TUSC3: variants seen among roughly 807,000 people sequenced by gnomAD.
TUSC3 encodes the protein tumor suppressor candidate 3.
TUSC3 carries 45 observed loss-of-function variants against 44.8 expected under a neutral mutation model. The observed-to-expected ratio is 1.00, with a 90% CI of 0.79 to 1.29. The LOEUF is 1.29. TUSC3 is among the 50% of genes most tolerant of loss of function. The probability of loss-of-function intolerance (pLI) is 0.00; values close to 1 mark genes in which losing one functional copy is unlikely to be tolerated. For missense variants in TUSC3, 519 were observed against 437.9 expected, an observed-to-expected ratio of 1.19 and a Z score of -1.65; for synonymous variants, 212 against 152.9, an observed-to-expected ratio of 1.39 and a Z score of -2.85.
chr8:15,851,889 A>AT, the TUSC3 span, among the ~76,000 whole-genome samples: 2 of 152,168 alleles, frequency 1.3e-5, no homozygotes, highest in Middle Eastern at 6.8e-3. Flanking sequence ...ATTGGGGAGG[A>AT]TTCCCCCATA....
At chr8:15,763,396 T>C (rs1411313251) in intron 10 of TUSC3, among the ~76,000 whole-genome samples, 1 of 151,734 alleles carries the variant, frequency 6.6e-6, no homozygotes, top group Non-Finnish European at 1.5e-5. Flanking sequence ...TTTTTTGATG[T>C]TGTTGTTTTT....
chr8:15,585,635 A>G (rs1030342341), intron 1 of TUSC3, among the ~76,000 whole-genome samples: 6 of 152,094 alleles, frequency 3.9e-5, no homozygotes, highest in East Asian at 1.9e-4. Context: ...CCTAGAATCA[A>G]TCACTCCCTA....
chr8:15,627,096 C>T (rs1030314811), intron 2 of TUSC3, among the ~76,000 whole-genome samples: 1 of 152,186 alleles, frequency 6.6e-6, no homozygotes, highest in Non-Finnish European at 1.5e-5. Flanking sequence ...ACCTCAGACT[C>T]AGCCAGACTT....
At chr8:15,578,842 G>A (rs930231265) in intron 1 of TUSC3, among the ~76,000 whole-genome samples, 2 of 152,066 alleles carry the variant, frequency 1.3e-5, no homozygotes, top group African/African-American at 2.4e-5. Context: ...AAATGAGTTA[G>A]GGAGGATTCC....
intron 6 of TUSC3, among the ~76,000 whole-genome samples, chr8:15,699,807 A>G (rs959597731): frequency 6.6e-6 from 1 of 152,138 alleles, no homozygotes; most frequent in African/African-American, 2.4e-5. Flanking sequence ...AAGCACTTAG[A>G]GGTTAAATAG....
chr8:15,463,635 C>A (rs1800377000), intron 1 of TUSC3, among the ~76,000 whole-genome samples: 1 of 151,994 alleles, frequency 6.6e-6, no homozygotes, highest in African/African-American at 2.4e-5. Flanking sequence ...ATCATGAAGC[C>A]TTTTGATTAT....
intron 6 of TUSC3, among the ~76,000 whole-genome samples, chr8:15,694,617 T>C (rs151203663): frequency 6.6e-6 from 1 of 152,086 alleles, no homozygotes; most frequent in Non-Finnish European, 1.5e-5. Context: ...TGTTCTTTTA[T>C]CCGCTTTGAT....
At chr8:15,791,535 C>T in the TUSC3 span, among the ~76,000 whole-genome samples, 1 of 152,114 alleles carries the variant, frequency 6.6e-6, no homozygotes, top group East Asian at 1.9e-4. Context: ...GGGGAGACCA[C>T]TGTTTCGAGA....
At chr8:15,730,774 C>T in intron 7 of TUSC3, 45 bp downstream of exon 7, 1 of 1,575,010 alleles carries the variant, frequency 6.3e-7, no homozygotes, top group East Asian at 2.2e-5. Flanking sequence ...CAAACTAAAG[C>T]TACATGTTTT....
chr8:15,666,779 G>A (rs1057512467), intron 5 of TUSC3, among the ~76,000 whole-genome samples: 1 of 151,172 alleles, frequency 6.6e-6, no homozygotes, highest in Admixed American at 6.6e-5. Flanking sequence ...AGACAGTTCT[G>A]CTCATCAGGC....
intron 2 of TUSC3, among the ~76,000 whole-genome samples, chr8:15,639,298 A>G (rs1236401192): frequency 6.6e-6 from 1 of 152,120 alleles, no homozygotes; most frequent in Non-Finnish European, 1.5e-5. Context: ...TTCAGTGATG[A>G]TGATCATGTG....
chr8:15,588,377 C>G (rs1803683262), intron 1 of TUSC3, among the ~76,000 whole-genome samples: 1 of 151,988 alleles, frequency 6.6e-6, no homozygotes, highest in African/African-American at 2.4e-5. Flanking sequence ...AATGTCTATT[C>G]AGATCTTTTG....
At chr8:15,427,255 A>G (rs954967262) in intron 1 of TUSC3, among the ~76,000 whole-genome samples, 4 of 146,716 alleles carry the variant, frequency 2.7e-5, no homozygotes, top group Non-Finnish European at 6.0e-5. Context: ...GTTTAGTTTA[A>G]TATAATCCTG....
intron 6 of TUSC3, among the ~76,000 whole-genome samples, chr8:15,701,638 G>A (rs570965227): frequency 6.6e-6 from 1 of 152,094 alleles, no homozygotes; most frequent in Non-Finnish European, 1.5e-5. Flanking sequence ...GAATTTAACT[G>A]CAGTAAGAAA....
At chr8:15,475,176 T>C (rs938560605) in intron 1 of TUSC3, among the ~76,000 whole-genome samples, 2 of 152,124 alleles carry the variant, frequency 1.3e-5, no homozygotes, top group African/African-American at 4.8e-5. Flanking sequence ...AACTATCCTA[T>C]TTAGTCGTCA....
intron 9 of TUSC3, among the ~76,000 whole-genome samples, chr8:15,753,104 CTTT>C (rs1195421465): frequency 6.6e-6 from 1 of 151,830 alleles, no homozygotes; most frequent in Non-Finnish European, 1.5e-5. Flanking sequence ...ATGTGATTCC[CTTT>C]TTATGTTTTT....
chr8:15,461,613 G>T (rs1427665017), intron 1 of TUSC3, among the ~76,000 whole-genome samples: 1 of 151,882 alleles, frequency 6.6e-6, no homozygotes, highest in Non-Finnish European at 1.5e-5. Flanking sequence ...TCTTTTTCCA[G>T]TCCTCAGAGG....
intron 1 of TUSC3, among the ~76,000 whole-genome samples, chr8:15,447,541 A>C (rs1217542278): frequency 3.3e-5 from 5 of 152,194 alleles, no homozygotes; most frequent in Non-Finnish European, 7.4e-5. Context: ...AACGTTGGCT[A>C]TGAAGCAATG....
rs530554992 is a variant in TUSC3 at position 15,564,051 on chromosome 8, T to C, written c.138+23483T>C. 3.0e-4 allele frequency among the ~76,000 whole-genome samples: 45 copies of C among 152,292 alleles called. 1 individual carries two copies. The highest frequency in any genetic ancestry group is 5.3e-4 in the Non-Finnish European group (36 of 68,018). On this transcript the variant is annotated intron_variant, in intron 1 of 10. Transcript: ENST00000503731. Reference sequence around the variant, plus strand: ...TTAAAGAAATGTTTCCCTCTTCCTCTCCATTATAGGAGAAACCATTATTAT... The same window carrying C: ...TTAAAGAAATGTTTCCCTCTTCCTCCCCATTATAGGAGAAACCATTATTAT...
Sources: allele counts gnomAD v4.1 joint callset (sites outside exome capture counted in the v4.1 genomes callset), GRCh38; gene constraint gnomAD v4.1.1; transcripts MANE v1.5; gene names NCBI Gene and HGNC (gene_info 2026-07-23, HGNC 2026-07-21).